The following SBF2 variants were observed in gnomAD, a reference collection of about 807,000 sequenced individuals.
SBF2 encodes SET binding factor 2.
A neutral mutation model predicts 225.2 loss-of-function variants in SBF2; 112 were observed. That is an observed-to-expected ratio of 0.50 (90% confidence interval 0.43 to 0.58). The LOEUF (loss-of-function observed/expected upper bound fraction) is 0.58, where lower values mean the gene tolerates loss of function less well. Among genes scored for constraint, SBF2 ranks in the 20% least tolerant of loss-of-function variants. SBF2 has a pLI of 0.00. For synonymous variants in SBF2, 763 were observed against 773.3 expected, an observed-to-expected ratio of 0.99 and a Z score of 0.22; for missense variants, 1,996 against 2,206.2, an observed-to-expected ratio of 0.90 and a Z score of 1.91.
At chr11:10,185,547 T>G (rs961150779) in intron 2 of SBF2, among the ~76,000 whole-genome samples, 39 of 151,850 alleles carry the variant, frequency 2.6e-4, no homozygotes, top group Non-Finnish European at 5.1e-4. Context: ...CTCCAACTAC[T>G]AGGCTCAGGT....
intron 16 of SBF2, among the ~76,000 whole-genome samples, chr11:9,955,011 G>A (rs1866070507): frequency 6.6e-6 from 1 of 151,970 alleles, no homozygotes; most frequent in Non-Finnish European, 1.5e-5. Flanking sequence ...TGGTAACAAA[G>A]TAACTGTAAT....
chr11:9,842,712 G>A lies in SBF2; in HGVS notation c.3169C>T (p.Arg1057Trp), dbSNP rs536949808. 17 of 1,613,788 alleles carry A rather than the reference G, an allele frequency of 1.1e-5. No homozygotes were observed. The highest frequency in any genetic ancestry group is 8.0e-5 in the African/African-American group (6 of 74,946). The change falls in exon 25 of 40, where the codon CGG becomes TGG. Residue 1057 changes from arginine (R) to tryptophan (W), a missense_variant. Transcript: ENST00000256190. ...GTCTTCTTCTTCAGTAAATATTGCC[G>A]CCCAATTGTCATTTTCCCTGCCCTT... ...AKRAGKMTIG[R>W]QYLLKKKTGT...
At chr11:10,254,377 T>C (rs1171682945) in intron 1 of SBF2, among the ~76,000 whole-genome samples, 1 of 147,878 alleles carries the variant, frequency 6.8e-6, no homozygotes. Context: ...CGAGACCCTG[T>C]CTCAAAAGAA....
chr11:10,142,141 G>A (rs1041014100), intron 2 of SBF2, among the ~76,000 whole-genome samples: 1 of 152,146 alleles, frequency 6.6e-6, no homozygotes, highest in Non-Finnish European at 1.5e-5. Flanking sequence ...ACTTCTGAAT[G>A]CTTTAGACAT....
chr11:10,033,620 A>C (rs1212240295), intron 3 of SBF2, among the ~76,000 whole-genome samples: 2 of 152,020 alleles, frequency 1.3e-5, no homozygotes, highest in East Asian at 3.9e-4. Flanking sequence ...TAGAGAAAAA[A>C]TTCTTATTTC....
chr11:9,837,870 TGG>T (rs1855832495), intron 26 of SBF2, among the ~76,000 whole-genome samples: 1 of 152,076 alleles, frequency 6.6e-6, no homozygotes, highest in Admixed American at 6.5e-5. Context: ...CCCAAGTAGC[TGG>T]GACTACAGGC....
intron 28 of SBF2, among the ~76,000 whole-genome samples, chr11:9,826,520 G>A (rs1435596188): frequency 3.3e-5 from 5 of 152,090 alleles, no homozygotes; most frequent in Non-Finnish European, 5.9e-5. Context: ...AGGGTTTTAC[G>A]TGTGGGAGAG....
At chr11:9,854,482 T>A (rs966448041) in intron 19 of SBF2, among the ~76,000 whole-genome samples, 2 of 152,226 alleles carry the variant, frequency 1.3e-5, no homozygotes, top group East Asian at 3.8e-4. Flanking sequence ...ATTAGCTGAA[T>A]CAGTGTTAGA....
intron 13 of SBF2, among the ~76,000 whole-genome samples, chr11:9,978,872 G>A (rs1035592638): frequency 6.6e-6 from 1 of 152,206 alleles, no homozygotes; most frequent in South Asian, 2.1e-4. Flanking sequence ...GGTGGCATAC[G>A]CCTGTAGTCC....
At chr11:9,972,634 C>A (rs909160128) in intron 13 of SBF2, among the ~76,000 whole-genome samples, 1 of 152,162 alleles carries the variant, frequency 6.6e-6, no homozygotes, top group Non-Finnish European at 1.5e-5. Context: ...GTGTGCACCA[C>A]CACGCCTGGC....
chr11:10,108,515 C>CTT lies in SBF2; in HGVS notation c.142-65536_142-65535dup, dbSNP rs34189666. ...TGCAAAAACAAACAGTAATAGTTAA[C>CTT]TTTTTTTTTTTTTTTTTTTTTTTTT... On this transcript the variant is annotated intron_variant, in intron 2 of 39. Coordinates refer to ENST00000256190, the MANE Select transcript of SBF2 (RefSeq NM_030962.4). Among the ~76,000 whole-genome samples the CTT allele has an allele frequency of 1.6e-3, 134 of 83,482 alleles. 3 individuals are homozygous for CTT. The highest frequency in any genetic ancestry group is 1.8e-3 in the Non-Finnish European group (81 of 45,346). 54.8% of individuals were successfully genotyped at this position (83,482 alleles called of 152,430 possible).
chr11:10,287,432 T>C (rs6484160), intron 1 of SBF2, among the ~76,000 whole-genome samples: 74,524 of 151,244 alleles, frequency 0.49, 18,692 homozygotes, highest in Non-Finnish European at 0.54. Flanking sequence ...CAGACATGTG[T>C]CACCACGCCA....
At chr11:10,179,136 T>G (rs565434786) in intron 2 of SBF2, among the ~76,000 whole-genome samples, 1 of 151,012 alleles carries the variant, frequency 6.6e-6, no homozygotes, top group African/African-American at 2.4e-5. Flanking sequence ...TAGGTGGGAA[T>G]TGAACAATGA....
intron 17 of SBF2, among the ~76,000 whole-genome samples, chr11:9,874,537 T>C (rs1859055798): frequency 6.6e-6 from 1 of 152,208 alleles, no homozygotes; most frequent in Non-Finnish European, 1.5e-5. Flanking sequence ...AATGACCAAA[T>C]AAAGACTCAA....
chr11:10,277,190 C>T (rs1963023675), intron 1 of SBF2, among the ~76,000 whole-genome samples: 1 of 147,548 alleles, frequency 6.8e-6, no homozygotes, highest in South Asian at 2.1e-4. Flanking sequence ...GAGGCCAAGG[C>T]GGGCAGATCG....
intron 35 of SBF2, 91 bp downstream of exon 35, chr11:9,789,018 G>T: frequency 9.4e-7 from 1 of 1,059,720 alleles, no homozygotes; most frequent in Non-Finnish European, 1.5e-6. Flanking sequence ...AGTAAGGAGA[G>T]CCATGTTCAG....
At position 10,240,128 on chromosome 11, in the gene SBF2, A is replaced by C. The variant is rs528531928; in HGVS notation, c.56-46141T>G. Among the ~76,000 whole-genome samples, 11 of 152,256 alleles carry C rather than the reference A, an allele frequency of 7.2e-5. No homozygotes were observed. The East Asian group carries it at 2.1e-3, about 29-fold the overall frequency. Reference sequence around the variant, plus strand: ...AATAATACATGAGACAAAAGTCCCCAAAAGTAAGCTAACTATACAGACTTA... The same window carrying C: ...AATAATACATGAGACAAAAGTCCCCCAAAGTAAGCTAACTATACAGACTTA... On this transcript the variant is annotated intron_variant, in intron 1 of 39. Coordinates refer to ENST00000256190, the MANE Select transcript of SBF2 (RefSeq NM_030962.4).
chr11:10,168,258 A>G (rs532776817), intron 2 of SBF2, among the ~76,000 whole-genome samples: 1 of 152,358 alleles, frequency 6.6e-6, no homozygotes, highest in East Asian at 1.9e-4. Flanking sequence ...TATCTGTTAA[A>G]TGAATAGACT....
intron 32 of SBF2, among the ~76,000 whole-genome samples, chr11:9,806,736 C>T (rs553777759): frequency 6.6e-5 from 10 of 152,202 alleles, no homozygotes; most frequent in African/African-American, 2.4e-4. Flanking sequence ...ACATAGCTTC[C>T]TGTGTGTGGG....
Sources: allele counts gnomAD v4.1 joint callset (sites outside exome capture counted in the v4.1 genomes callset), GRCh38; gene constraint gnomAD v4.1.1; transcripts MANE v1.5; gene names NCBI Gene and HGNC (gene_info 2026-07-23, HGNC 2026-07-21).